Variants in XPO6 observed in about 807,000 individuals in gnomAD.
The protein encoded by XPO6 is exportin 6, also known as exportin-6.
In XPO6, 3 loss-of-function variants were observed where a neutral mutation model predicts 130.0. That is an observed-to-expected ratio of 0.02 (90% confidence interval 0.01 to 0.06). The LOEUF is 0.06. Among genes scored for constraint, XPO6 ranks in the 10% least tolerant of loss-of-function variants. The pLI is 1.00. For synonymous variants in XPO6, 524 were observed against 548.9 expected (o/e 0.95, Z 0.63); for missense variants, 970 against 1,393.0 (o/e 0.70, Z 4.83).
chr16:28,113,065 G>A lies in XPO6; in HGVS notation c.2005-15C>T, dbSNP rs755144371. 2.9e-5 allele frequency: 47 copies of A among 1,610,962 alleles called. No homozygotes were observed. In the East Asian group the frequency reaches 9.8e-4, roughly 34 times the overall value. On this transcript the variant is annotated splice_polypyrimidine_tract_variant and intron_variant, in intron 15 of 23. Coordinates refer to ENST00000304658, the MANE Select transcript of XPO6 (RefSeq NM_015171.4). ...TTGTCTTGGACCTGCAGAGGGAAGA[G>A]GGCACGTCAGCTCACCACATCCCTG...
At chr16:28,121,532 CTCTT>C in intron 14 of XPO6, 134 bp downstream of exon 14, 1 of 719,680 alleles carries the variant, frequency 1.4e-6, no homozygotes, top group Non-Finnish European at 2.4e-6. Flanking sequence ...AAATCTCTCT[CTCTT>C]TCTAGGTTTG....
chr16:28,162,733 T>C (rs2043296482), intron 6 of XPO6, among the ~76,000 whole-genome samples: 1 of 151,390 alleles, frequency 6.6e-6, no homozygotes. Flanking sequence ...CAGATATATA[T>C]ATATTAGAGA....
chr16:28,187,847 TAC>T (rs1055680917), intron 1 of XPO6, among the ~76,000 whole-genome samples: 1 of 151,978 alleles, frequency 6.6e-6, no homozygotes. Context: ...TGTGACTCTT[TAC>T]ATTTTCCCCT....
intron 15 of XPO6, among the ~76,000 whole-genome samples, chr16:28,116,572 A>T (rs2087063450): frequency 6.6e-6 from 1 of 152,182 alleles, no homozygotes; most frequent in East Asian, 1.9e-4. Flanking sequence ...ATTTAAAGTA[A>T]GAGACATGTG....
At chr16:28,168,819 T>G (rs921962665) in intron 5 of XPO6, among the ~76,000 whole-genome samples, 23 of 151,660 alleles carry the variant, frequency 1.5e-4, no homozygotes, top group Non-Finnish European at 2.4e-4. Context: ...CTCAATATGT[T>G]GCCTAGTCTG....
At chr16:28,112,735 C>G (rs1419420801) in intron 16 of XPO6, among the ~76,000 whole-genome samples, 169 bp downstream of exon 16, 2 of 152,234 alleles carry the variant, frequency 1.3e-5, no homozygotes, top group African/African-American at 4.8e-5. Flanking sequence ...AGAATGGGCA[C>G]GATGAGAATC....
In XPO6 at chr16:28,101,620, G is replaced by C. The variant is rs556927502; in HGVS notation, c.3114C>G (p.Ser1038=). The C allele has an allele frequency of 3.1e-6, 5 of 1,614,118 alleles. No individual in the cohort carries two copies. In the South Asian group the frequency reaches 4.4e-5, roughly 14 times the overall value. ...CAATCTCCTCCTGCAGAAGATCATG[G>C]GACTTGTGGACCAGGACCTGGAGCA... ...NVLLQVLVHK[S]HDLLQEEIGI... Residue 1038 remains serine, a synonymous_variant, in exon 23 of 24, where the codon TCC becomes TCG. Transcript: ENST00000304658. This position sits in a 1 kb window ranked among gnomAD's most constrained non-coding sequence, Gnocchi z 5.4.
chr16:28,157,560 T>C (rs2043203528), intron 6 of XPO6, among the ~76,000 whole-genome samples: 1 of 152,200 alleles, frequency 6.6e-6, no homozygotes, highest in African/African-American at 2.4e-5. Context: ...TCACAATTTC[T>C]AACATCGAAA....
At chr16:28,180,381 AT>A (rs566395135) in intron 2 of XPO6, among the ~76,000 whole-genome samples, 28 of 151,402 alleles carry the variant, frequency 1.8e-4, no homozygotes, top group Non-Finnish European at 3.4e-4. Context: ...AAACAAAAAA[AT>A]TTTTTTTTGA....
intron 9 of XPO6, among the ~76,000 whole-genome samples, chr16:28,138,689 C>G (rs575778110): frequency 1.3e-5 from 2 of 152,250 alleles, no homozygotes; most frequent in South Asian, 4.1e-4. Flanking sequence ...GGGCGGTCAA[C>G]GAGAGCCTAA....
At position 28,175,888 on chromosome 16, in the gene XPO6, A is replaced by G. The variant is rs769765428; in HGVS notation, c.405+10T>C. 3 of 1,612,344 alleles carry G rather than the reference A, an allele frequency of 1.9e-6. No homozygotes were observed. Among genetic ancestry groups the G allele is most frequent in the South Asian group, 2.2e-5 (2 of 91,022 alleles). ...TTCACAAGATAAAGTTTCCTTAGGCATATCCTTACCTGTAAAATGTTAGTA... is the reference window on the plus strand; with the variant it reads ...TTCACAAGATAAAGTTTCCTTAGGCGTATCCTTACCTGTAAAATGTTAGTA... On this transcript the variant is annotated intron_variant, in intron 4 of 23. Transcript: ENST00000304658.
At chr16:28,185,070 GAAT>G (rs2141878552) in intron 1 of XPO6, among the ~76,000 whole-genome samples, 1 of 152,262 alleles carries the variant, frequency 6.6e-6, no homozygotes, top group African/African-American at 2.4e-5. Flanking sequence ...TGATAGAGGA[GAAT>G]ATTATAAGAC....
intron 8 of XPO6, among the ~76,000 whole-genome samples, chr16:28,149,773 A>G (rs746894772): frequency 4.6e-5 from 7 of 152,204 alleles, no homozygotes; most frequent in Non-Finnish European, 7.3e-5. Context: ...CCTGTCAATT[A>G]AGGGACGCAA....
intron 9 of XPO6, among the ~76,000 whole-genome samples, chr16:28,140,442 G>T (rs577933033): frequency 5.6e-4 from 85 of 152,246 alleles, no homozygotes; most frequent in Non-Finnish European, 9.3e-4. Flanking sequence ...CACTTTGGGA[G>T]GCCAAGGCGG....
chr16:28,178,175 G>A (rs563259969), intron 2 of XPO6, among the ~76,000 whole-genome samples: 1 of 152,264 alleles, frequency 6.6e-6, no homozygotes, highest in African/African-American at 2.4e-5. Context: ...GAAAGCCTTT[G>A]GAAAAGCAGA....
Position 28,186,374 on chromosome 16 carries a change from C to CTTTTTTT in XPO6, c.4-5350_4-5344dup, listed in dbSNP as rs60754642. Among the ~76,000 whole-genome samples the CTTTTTTT allele has an allele frequency of 9.2e-3, 753 of 81,406 alleles. 187 individuals are homozygous for CTTTTTTT. Among genetic ancestry groups the CTTTTTTT allele is most frequent in the African/African-American group, 0.042 (634 of 15,244 alleles). The allele number at this position is 81,406 out of a possible 152,430, so 53.4% of individuals were successfully genotyped here. On this transcript the variant is annotated intron_variant, in intron 1 of 23. Coordinates refer to ENST00000304658, the MANE Select transcript of XPO6 (RefSeq NM_015171.4). ...TATAGATTTTTCTGCCCCAGTTATT[C>CTTTTTTT]TTTTTTTTTTTTTTTTTGCTAAAGA...
At chr16:28,138,351 G>C (rs11640001) in intron 9 of XPO6, among the ~76,000 whole-genome samples, 71,505 of 152,000 alleles carry the variant, frequency 0.47, 18,765 homozygotes, top group Non-Finnish European at 0.6. Flanking sequence ...GATGAATTTT[G>C]TCATCTATAA....
chr16:28,186,538 T>C lies in XPO6; in HGVS notation c.4-5507A>G, dbSNP rs369092588. 1.5e-4 allele frequency among the ~76,000 whole-genome samples: 23 copies of C among 152,040 alleles called. 1 individual carries two copies. The East Asian group carries it at 3.7e-3, about 24-fold the overall frequency. The stretch of plus-strand genomic sequence containing the variant: ...GGCACATGCCACCACATCTGGCTTT[T>C]ATTTTCATTTTTGTAGAGCCTGGGT... On this transcript the variant is annotated intron_variant, in intron 1 of 23. Coordinates refer to ENST00000304658, the MANE Select transcript of XPO6 (RefSeq NM_015171.4).
intron 13 of XPO6, among the ~76,000 whole-genome samples, chr16:28,123,356 C>T (rs1455030788): frequency 6.6e-6 from 1 of 151,194 alleles, no homozygotes; most frequent in Admixed American, 6.6e-5. Context: ...GATCTGCTCA[C>T]CTCAGCCTCC....
Sources: allele counts gnomAD v4.1 joint callset (sites outside exome capture counted in the v4.1 genomes callset), GRCh38; gene constraint gnomAD v4.1.1; non-coding constraint Gnocchi (gnomAD v3.1); transcripts MANE v1.5; gene names NCBI Gene and HGNC (gene_info 2026-07-23, HGNC 2026-07-21).